The following RAB3IP variants were observed in gnomAD, a reference collection of about 807,000 sequenced individuals.
The protein encoded by RAB3IP is RAB3A interacting protein.
A neutral mutation model predicts 59.1 loss-of-function variants in RAB3IP; 36 were observed. That is an observed-to-expected ratio of 0.61 (90% CI 0.47 to 0.80). The LOEUF is 0.80. Among genes scored for constraint, RAB3IP ranks in the 30% least tolerant of loss-of-function variants. RAB3IP has a pLI of 0.00. For synonymous variants in RAB3IP, 207 were observed against 191.2 expected (o/e 1.08, Z -0.68); for missense variants, 511 against 536.0 (o/e 0.95, Z 0.46).
chr12:69,739,527 C>A, intron 1 of RAB3IP: 1 of 416,712 alleles, frequency 2.4e-6, no homozygotes. Flanking sequence ...GGGCTGTGGA[C>A]CTGGGGTGGT....
rs1881141797 is a variant in RAB3IP at position 69,816,394 on chromosome 12, G to C, written c.*948G>C. The stretch of plus-strand genomic sequence containing the variant: ...GAGAAAGCTGCTGTTAATATTTTTG[G>C]ATAGTAGCCTTTCAGCTTTCAGATA... On this transcript the variant is annotated 3_prime_UTR_variant, in exon 11 of 11. Coordinates refer to ENST00000247833, the MANE Select transcript of RAB3IP (RefSeq NM_022456.5). 1 of 152,178 alleles carries C rather than the reference G, an allele frequency of 6.6e-6. No homozygotes were observed. The allele number at this position is 152,178 out of a possible 1,614,324, so 9.4% of individuals were successfully genotyped here.
At chr12:69,794,925 T>A (rs568179836) in intron 5 of RAB3IP, among the ~76,000 whole-genome samples, 93 of 152,302 alleles carry the variant, frequency 6.1e-4, no homozygotes, top group South Asian at 1.7e-3. Context: ...TTTTGGTAAT[T>A]TTCACAGGCT....
At chr12:69,790,439 A>G (rs1876419732) in intron 4 of RAB3IP, among the ~76,000 whole-genome samples, 1 of 152,200 alleles carries the variant, frequency 6.6e-6, no homozygotes. Flanking sequence ...ATTTGTGTTC[A>G]TTGGTTGGAA....
intron 6 of RAB3IP, among the ~76,000 whole-genome samples, chr12:69,797,191 C>T (rs1050247283): frequency 6.6e-6 from 1 of 152,190 alleles, no homozygotes; most frequent in Non-Finnish European, 1.5e-5. Context: ...AATACACATG[C>T]ATGCATGCAG....
intron 3 of RAB3IP, among the ~76,000 whole-genome samples, chr12:69,770,639 T>G (rs1009853657): frequency 1.1e-4 from 17 of 152,252 alleles, no homozygotes; most frequent in African/African-American, 4.1e-4. Flanking sequence ...CAGTGATTAG[T>G]TTTGTTTCTT....
In RAB3IP at chr12:69,822,856, C is replaced by G. The variant is rs573637970; in HGVS notation, c.*7410C>G. 1 of 152,238 alleles carries G rather than the reference C, an allele frequency of 6.6e-6. No homozygotes were observed. Among genetic ancestry groups the G allele is most frequent in the Non-Finnish European group, 1.5e-5 (1 of 68,014 alleles). The allele number at this position is 152,238 out of a possible 1,614,324, so 9.4% of individuals were successfully genotyped here. Reference sequence around the variant, plus strand: ...CACCATCTTTCTTCAGCCTATTTTCCTATCTCCTCTCGCACCATACTAGGC... The same window carrying G: ...CACCATCTTTCTTCAGCCTATTTTCGTATCTCCTCTCGCACCATACTAGGC... On this transcript the variant is annotated 3_prime_UTR_variant, in exon 11 of 11. Transcript: ENST00000247833.
chr12:69,811,830 A>G (rs924785780), intron 8 of RAB3IP, among the ~76,000 whole-genome samples: 4 of 152,338 alleles, frequency 2.6e-5, no homozygotes. Flanking sequence ...GCACTTTTGT[A>G]TTATATTTCT....
rs957503756 is a variant in RAB3IP, at chr12:69,738,928, A to T, written c.-129A>T. On this transcript the variant is annotated 5_prime_UTR_variant, in exon 1 of 11. Coordinates refer to ENST00000247833, the MANE Select transcript of RAB3IP (RefSeq NM_022456.5). ...AGCCCGCCGCCGTGGAGTGTAGCGG[A>T]AAGGGCTCGCCGTCCTCCTCCGTTT... is the stretch of plus-strand genomic sequence containing the variant. 3.3e-5 allele frequency: 5 copies of T among 151,952 alleles called. No homozygotes were observed. The highest frequency in any genetic ancestry group is 7.2e-5 in the African/African-American group (3 of 41,406). 9.4% of individuals were successfully genotyped at this position (151,952 alleles called of 1,614,324 possible). A position where few individuals can be genotyped will look rare whatever the true frequency, so the allele number is the denominator to read the frequency against.
At chr12:69,751,490 T>G (rs1313533491) in intron 1 of RAB3IP, among the ~76,000 whole-genome samples, 1 of 152,186 alleles carries the variant, frequency 6.6e-6, no homozygotes, top group Non-Finnish European at 1.5e-5. Context: ...TGGATAAACT[T>G]AGAATTTTTT....
intron 4 of RAB3IP, among the ~76,000 whole-genome samples, chr12:69,787,865 T>A (rs1316922320): frequency 6.6e-6 from 1 of 152,170 alleles, no homozygotes; most frequent in Non-Finnish European, 1.5e-5. Flanking sequence ...TATATGAACA[T>A]ATATGTGTAT....
rs1886965913 is a variant in RAB3IP, at chr12:69,739,009, A to T, written c.-48A>T. The T allele has an allele frequency of 6.6e-6, 1 of 152,068 alleles. No individual in the cohort carries two copies. The highest frequency in any genetic ancestry group is 2.4e-5 in the African/African-American group (1 of 41,430). The allele number at this position is 152,068 out of a possible 1,614,324, so 9.4% of individuals were successfully genotyped here. A position where few individuals can be genotyped will look rare whatever the true frequency, so the allele number is the denominator to read the frequency against. ...TCTGTGAGCGCCCCTGAGCGCCGGC[A>T]GCGGCCGCGGTGGGTTCTTCAGGTG... On this transcript the variant is annotated 5_prime_UTR_variant, in exon 1 of 11. Transcript: ENST00000247833.
At chr12:69,756,351 G>T in intron 2 of RAB3IP, 54 bp from the exon 3 acceptor site, 1 of 1,582,194 alleles carries the variant, frequency 6.3e-7, no homozygotes, top group South Asian at 1.2e-5. Context: ...GTTTAAGCCA[G>T]TTCTATTGGA....
Position 69,755,431 on chromosome 12 carries a change from G to C in RAB3IP, c.23G>C (p.Gly8Ala). ...GCTATGGCTAATGATCCCTTGGAAG[G>C]CTTCCATGAAGTAAACCTTGCTTCA... is the stretch of plus-strand genomic sequence containing the variant. Reference protein sequence around the residue: MANDPLEGFHEVNLASPT... With the variant: MANDPLEAFHEVNLASPT... Residue 8 changes from glycine to alanine, a missense_variant, in exon 2 of 11, where the codon GGC (glycine) becomes GCC (alanine). Coordinates refer to ENST00000247833, the MANE Select transcript of RAB3IP (RefSeq NM_022456.5). The C allele has an allele frequency of 6.2e-7, 1 of 1,613,930 alleles. No individual in the cohort carries two copies. The highest frequency in any genetic ancestry group is 8.5e-7 in the Non-Finnish European group (1 of 1,179,872).
intron 4 of RAB3IP, among the ~76,000 whole-genome samples, chr12:69,788,775 A>C (rs1876138618): frequency 6.6e-6 from 1 of 152,108 alleles, no homozygotes; most frequent in Non-Finnish European, 1.5e-5. Context: ...GGTGCACATG[A>C]AACATTCTCC....
rs979176066 is a variant in RAB3IP at position 69,739,970 on chromosome 12, TACACTCTCCTGTTTC to T, written c.-26+942_-26+956del. On this transcript the variant is annotated intron_variant, in intron 1 of 10. Coordinates refer to ENST00000247833, the MANE Select transcript of RAB3IP (RefSeq NM_022456.5). Reference sequence around the variant, plus strand: ...TTGCCTGTTCGGAGGCTACCTGTTATACACTCTCCTGTTTCACCCCAACTCCTTCCGTTCAGTGTC... The same window carrying T: ...TTGCCTGTTCGGAGGCTACCTGTTATACCCCAACTCCTTCCGTTCAGTGTC... The T allele has an allele frequency of 2.7e-6, 3 of 1,109,230 alleles. No individual in the cohort carries two copies. In the African/African-American group the frequency reaches 4.6e-5, roughly 17 times the overall value. The allele number at this position is 1,109,230 out of a possible 1,614,324, so 68.7% of individuals were successfully genotyped here.
chr12:69,745,025 A>T (rs1271283519), intron 1 of RAB3IP, among the ~76,000 whole-genome samples: 1 of 152,210 alleles, frequency 6.6e-6, no homozygotes, highest in Admixed American at 6.5e-5. Flanking sequence ...TTTTGAGAGC[A>T]CTATAAATTA....
At chr12:69,795,102 C>T (rs202077982) in intron 5 of RAB3IP, 39 bp from the exon 6 acceptor site, 61 of 1,453,276 alleles carry the variant, frequency 4.2e-5, no homozygotes, top group Admixed American at 3.6e-5. Context: ...TGTCATGAAA[C>T]GTATTTAATG....
chr12:69,806,450 C>T (rs1879285211), intron 8 of RAB3IP, among the ~76,000 whole-genome samples: 1 of 151,838 alleles, frequency 6.6e-6, no homozygotes, highest in Non-Finnish European at 1.5e-5. Context: ...AAAACCAGCT[C>T]CTGGATTCAT....
Position 69,822,580 on chromosome 12 carries a change from A to G in RAB3IP, c.*7134A>G, listed in dbSNP as rs1231271431. On this transcript the variant is annotated 3_prime_UTR_variant, in exon 11 of 11. Transcript: ENST00000247833. ...AAGGGGTTGGGTAATGGGTGTAAAA[A>G]TCTATAGAAGGAATATGATCTGTTG... 6.6e-6 allele frequency: 1 copy of G among 152,124 alleles called. No homozygotes were observed. The highest frequency in any genetic ancestry group is 6.6e-5 in the Admixed American group (1 of 15,260). 9.4% of individuals were successfully genotyped at this position (152,124 alleles called of 1,614,324 possible). A position where few individuals can be genotyped will look rare whatever the true frequency, so the allele number is the denominator to read the frequency against.
Sources: gnomAD v4.1 joint callset for allele counts (sites outside exome capture counted in the v4.1 genomes callset) on GRCh38, gnomAD v4.1.1 for gene constraint, MANE v1.5 for transcripts, NCBI Gene and HGNC (gene_info 2026-07-23, HGNC 2026-07-21) for gene names.